Variants in PSMD6 observed in about 807,000 individuals in gnomAD.
PSMD6 encodes the protein 26S proteasome non-ATPase regulatory subunit 6.
PSMD6 carries 7 observed loss-of-function variants against 44.9 expected under a neutral mutation model. That is an observed-to-expected ratio of 0.16 (90% CI 0.09 to 0.29). PSMD6 has a LOEUF of 0.29. Ranked by LOEUF, PSMD6 falls within the 10% of genes least tolerant of loss-of-function variation. The probability of loss-of-function intolerance (pLI) is 1.00; values close to 1 mark genes in which losing one functional copy is unlikely to be tolerated. For synonymous variants in PSMD6, 184 were observed against 172.7 expected, an observed-to-expected ratio of 1.07 and a Z score of -0.51; for missense variants, 420 against 482.6, an observed-to-expected ratio of 0.87 and a Z score of 1.21.
chr3:64,017,153 G>A (rs1444265108), intron 5 of PSMD6: 1 of 152,392 alleles, frequency 6.6e-6, no homozygotes, highest in Non-Finnish European at 1.5e-5. Context: ...TGGGGGAAAG[G>A]AGTAATAGGG....
chr3:64,011,058 C>A (rs1345335871), intron 6 of PSMD6, 103 bp from the exon 7 acceptor site: 1 of 971,596 alleles, frequency 1.0e-6, no homozygotes, highest in East Asian at 2.5e-5. Flanking sequence ...AAACATTTAG[C>A]TTCCCTTCAA....
At chr3:64,022,656 A>G in intron 1 of PSMD6, 133 bp from the exon 2 acceptor site, 1 of 1,547,080 alleles carries the variant, frequency 6.5e-7, no homozygotes, top group Non-Finnish European at 8.7e-7. Flanking sequence ...AAGGCATGCG[A>G]TGGCGCTTAA....
At chr3:64,022,284 C>G (rs752011111) in intron 2 of PSMD6, 34 bp downstream of exon 2, 11 of 1,609,586 alleles carry the variant, frequency 6.8e-6, no homozygotes, top group East Asian at 4.5e-5. Context: ...TTAGCCTATA[C>G]TAACTACAGA....
At chr3:64,015,328 C>T (rs1342587939) in intron 5 of PSMD6, 1 of 152,044 alleles carries the variant, frequency 6.6e-6, no homozygotes, top group Non-Finnish European at 1.5e-5. Flanking sequence ...GACTTTTTCC[C>T]CAAGGAAATA....
At chr3:64,013,257 C>T (rs2075990641) in intron 6 of PSMD6, 182 bp downstream of exon 6, 1 of 538,224 alleles carries the variant, frequency 1.9e-6, no homozygotes, top group Non-Finnish European at 3.2e-6. Context: ...AAGGGGCAGA[C>T]ATGACATGAG....
intron 5 of PSMD6, chr3:64,018,307 GGTAA>G (rs1370721796): frequency 1.4e-5 from 3 of 220,020 alleles, no homozygotes; most frequent in Non-Finnish European, 2.7e-5. Flanking sequence ...AGGGCCAGAG[GGTAA>G]GTATTTTTAG....
At position 64,018,499 on chromosome 3, in the gene PSMD6, T is replaced by A. The variant is rs2076082319; in HGVS notation, c.826+100A>T. ...CAAAGACATGCAGCTACCTACACAC[T>A]ACATTTCTCAGATAGGTGAAAAATC... On this transcript the variant is annotated intron_variant, in intron 5 of 7. Coordinates refer to ENST00000295901, the MANE Select transcript of PSMD6 (RefSeq NM_014814.3). 4.7e-6 allele frequency: 4 copies of A among 858,354 alleles called. No individual in the cohort carries two copies. The African/African-American group carries it at 6.8e-5, about 15-fold the overall frequency. 53.2% of individuals were successfully genotyped at this position (858,354 alleles called of 1,614,324 possible).
chr3:64,016,488 G>C (rs2076046270), intron 5 of PSMD6: 1 of 151,592 alleles, frequency 6.6e-6, no homozygotes, highest in African/African-American at 2.4e-5. Context: ...TCTGCTCCCA[G>C]AAATTCTAGT....
chr3:64,013,288 A>T, intron 6 of PSMD6, 151 bp downstream of exon 6: 2 of 684,174 alleles, frequency 2.9e-6, no homozygotes, highest in Non-Finnish European at 4.6e-6. Context: ...GCAACAGGAT[A>T]CGAATGTTTT....
chr3:64,021,767 C>T (rs1164628217), intron 2 of PSMD6, among the ~76,000 whole-genome samples: 2 of 151,210 alleles, frequency 1.3e-5, no homozygotes, highest in Non-Finnish European at 1.5e-5. Context: ...GCCAAGATCA[C>T]TCCATTGTAC....
chr3:64,018,430 T>C, intron 5 of PSMD6, 169 bp downstream of exon 5: 1 of 537,420 alleles, frequency 1.9e-6, no homozygotes, highest in Non-Finnish European at 3.3e-6. Flanking sequence ...CACAATCTGA[T>C]GACCCTTCTT....
At chr3:64,013,661 ATTAAAAAC>A in intron 5 of PSMD6, 54 bp from the exon 6 acceptor site, 2 of 1,485,262 alleles carry the variant, frequency 1.3e-6, no homozygotes, top group Non-Finnish European at 1.8e-6. Context: ...AGATAAAAAG[ATTAAAAAC>A]TAAAGCAACA....
intron 5 of PSMD6, chr3:64,017,308 T>C (rs1233814036): frequency 1.3e-5 from 2 of 152,130 alleles, no homozygotes; most frequent in African/African-American, 4.8e-5. Context: ...TATACCTCAG[T>C]TTTTTTAAAG....
chr3:64,017,948 C>G (rs1054367398), intron 5 of PSMD6, among the ~76,000 whole-genome samples: 1 of 152,082 alleles, frequency 6.6e-6, no homozygotes. Flanking sequence ...ATTAGGAAAC[C>G]AAATAGCCAG....
rs557799586 is a variant in PSMD6, at chr3:64,022,954, G to A, written c.145+321C>T. 239 of 1,430,072 alleles carry A rather than the reference G, an allele frequency of 1.7e-4. No individual in the cohort carries two copies. In the African/African-American group the frequency reaches 3.0e-3, roughly 18 times the overall value. 88.6% of individuals were successfully genotyped at this position (1,430,072 alleles called of 1,614,324 possible). A position where few individuals can be genotyped will look rare whatever the true frequency, so the allele number is the denominator to read the frequency against. On this transcript the variant is annotated intron_variant, in intron 1 of 7. Transcript: ENST00000295901. Reference sequence around the variant, plus strand: ...CCACAGGAATACCCCGCGCCCGGGAGCAGTCCCCACTGACAGAAAGTCACG... The same window carrying A: ...CCACAGGAATACCCCGCGCCCGGGAACAGTCCCCACTGACAGAAAGTCACG...
chr3:64,023,655 A>G, upstream of PSMD6: 1 of 1,452,064 alleles, frequency 6.9e-7, no homozygotes, highest in Non-Finnish European at 9.0e-7. Context: ...GCGGAGTCCC[A>G]GAGTGGGTGC....
intron 6 of PSMD6, 131 bp from the exon 7 acceptor site, chr3:64,011,086 C>CAGTAGTTGA: frequency 1.4e-6 from 1 of 699,034 alleles, no homozygotes; most frequent in Non-Finnish European, 2.3e-6. Flanking sequence ...ATTGCACATG[C>CAGTAGTTGA]AGTAGTTGAC....
chr3:64,012,629 A>C (rs1559673224), intron 6 of PSMD6: 1 of 152,064 alleles, frequency 6.6e-6, no homozygotes, highest in Non-Finnish European at 1.5e-5. Flanking sequence ...TTATCCTCAA[A>C]ATCTCCTACC....
intron 2 of PSMD6, among the ~76,000 whole-genome samples, chr3:64,021,995 C>T (rs1268697248): frequency 6.6e-6 from 1 of 152,124 alleles, no homozygotes; most frequent in Non-Finnish European, 1.5e-5. Context: ...CCAGTGCTTC[C>T]CAACCAAGTG....
Sources: gnomAD v4.1 joint callset for allele counts (sites outside exome capture counted in the v4.1 genomes callset) on GRCh38, gnomAD v4.1.1 for gene constraint, MANE v1.5 for transcripts, NCBI Gene and HGNC (gene_info 2026-07-23, HGNC 2026-07-21) for gene names.